Variants in MKLN1 observed in about 807,000 individuals in gnomAD.
MKLN1 encodes the protein muskelin 1.
In MKLN1, 18 loss-of-function variants were observed where a neutral mutation model predicts 99.0. That is an observed-to-expected ratio of 0.18 (90% confidence interval 0.13 to 0.27). MKLN1 has a LOEUF of 0.27. Ranked by LOEUF, MKLN1 falls within the 10% of genes least tolerant of loss-of-function variation. MKLN1 has a pLI of 1.00. For missense variants in MKLN1, 621 were observed against 875.9 expected (o/e 0.71, Z 3.67); for synonymous variants, 288 against 293.2 (o/e 0.98, Z 0.18).
chr7:131,420,977 T>A (rs1315990277), intron 8 of MKLN1, among the ~76,000 whole-genome samples: 2 of 152,214 alleles, frequency 1.3e-5, no homozygotes, highest in African/African-American at 4.8e-5. Context: ...ATACTAATAT[T>A]TTCTGTGGTG....
At chr7:131,465,218 T>C (rs1208271345) in intron 14 of MKLN1, among the ~76,000 whole-genome samples, 1 of 152,102 alleles carries the variant, frequency 6.6e-6, no homozygotes, top group Non-Finnish European at 1.5e-5. Flanking sequence ...ATTTAATAAA[T>C]GTATACACTA....
chr7:131,117,408 C>T (rs951972363), intron 1 of MKLN1, among the ~76,000 whole-genome samples: 11 of 150,830 alleles, frequency 7.3e-5, no homozygotes, highest in African/African-American at 2.0e-4. Context: ...CCAGCCTGGG[C>T]GACAGACCGA....
At chr7:131,459,488 G>T (rs1796450695) in intron 12 of MKLN1, among the ~76,000 whole-genome samples, 1 of 152,182 alleles carries the variant, frequency 6.6e-6, no homozygotes, top group African/African-American at 2.4e-5. Flanking sequence ...GGCAGAAGAA[G>T]GTGAGAAAGA....
chr7:131,297,639 G>GA (rs1052992248), intron 3 of MKLN1, among the ~76,000 whole-genome samples: 15 of 152,140 alleles, frequency 9.9e-5, no homozygotes, highest in African/African-American at 3.6e-4. Context: ...TTTTACAATG[G>GA]AAAAAAATGC....
At chr7:131,255,880 CTATTTATT>C (rs3077583) in intron 3 of MKLN1, among the ~76,000 whole-genome samples, 2,990 of 135,338 alleles carry the variant, frequency 0.022, 56 homozygotes, top group Non-Finnish European at 0.031. Flanking sequence ...TGTGCCCGAC[CTATTTATT>C]TATTTATTTA....
chr7:131,123,022 C>CAAAAAA lies in MKLN1; in HGVS notation c.-419+12837_-419+12842dup, dbSNP rs59581806. ...TGGGCGAAACAGCGAGACTCCGTCT[C>CAAAAAA]AAAAAAAAAAAAAAAAAAAAAAAAA... On this transcript the variant is annotated intron_variant, in intron 1 of 7. Transcript: ENST00000416992. 4.8e-3 allele frequency among the ~76,000 whole-genome samples: 288 copies of CAAAAAA among 60,364 alleles called. 77 individuals are homozygous for CAAAAAA. The highest frequency in any genetic ancestry group is 0.046 in the East Asian group (71 of 1,544). The allele number at this position is 60,364 out of a possible 152,430, so 39.6% of individuals were successfully genotyped here.
intron 2 of MKLN1, among the ~76,000 whole-genome samples, chr7:131,386,597 G>A (rs1422236601): frequency 6.6e-6 from 1 of 152,146 alleles, no homozygotes; most frequent in Non-Finnish European, 1.5e-5. Flanking sequence ...TTTATCCAAT[G>A]TGTAATAGGA....
chr7:131,130,457 C>T (rs2116224112), intron 1 of MKLN1, among the ~76,000 whole-genome samples: 1 of 152,334 alleles, frequency 6.6e-6, no homozygotes, highest in South Asian at 2.1e-4. Context: ...TCATGCCAGA[C>T]CTCTAAGGTA....
chr7:131,347,920 T>C (rs565125771), intron 1 of MKLN1, among the ~76,000 whole-genome samples: 216 of 152,214 alleles, frequency 1.4e-3, no homozygotes, highest in African/African-American at 4.9e-3. Context: ...TTGAAACAAA[T>C]GTTGGCTGGC....
chr7:131,348,175 A>G (rs1045609772), intron 1 of MKLN1, among the ~76,000 whole-genome samples: 1 of 152,220 alleles, frequency 6.6e-6, no homozygotes, highest in Non-Finnish European at 1.5e-5. Context: ...AGCTATCTAT[A>G]TTGTGATTTG....
At chr7:131,296,160 T>C (rs1798288478) in intron 3 of MKLN1, among the ~76,000 whole-genome samples, 1 of 152,210 alleles carries the variant, frequency 6.6e-6, no homozygotes, top group Non-Finnish European at 1.5e-5. Context: ...GAATTTATCC[T>C]ACAGAGAGTC....
chr7:131,282,096 T>A (rs960291217), intron 3 of MKLN1, among the ~76,000 whole-genome samples: 3 of 152,132 alleles, frequency 2.0e-5, no homozygotes, highest in Non-Finnish European at 2.9e-5. Context: ...ATGCCTGTAA[T>A]CCCAGCACTT....
intron 3 of MKLN1, among the ~76,000 whole-genome samples, chr7:131,240,494 T>C (rs1231325471): frequency 1.3e-5 from 2 of 151,272 alleles, no homozygotes; most frequent in Non-Finnish European, 2.9e-5. Flanking sequence ...TGAAGAGAGA[T>C]AAATGAAAAA....
intron 1 of MKLN1, among the ~76,000 whole-genome samples, chr7:131,364,245 C>T (rs1172521451): frequency 1.3e-5 from 2 of 152,024 alleles, no homozygotes; most frequent in Non-Finnish European, 2.9e-5. Context: ...TTTCAAAATA[C>T]AATGTTCTTA....
intron 12 of MKLN1, among the ~76,000 whole-genome samples, chr7:131,460,703 A>G (rs1423899785): frequency 6.6e-6 from 1 of 152,212 alleles, no homozygotes; most frequent in Non-Finnish European, 1.5e-5. Context: ...ATTGTAGGTG[A>G]AAACAGCCGT....
At chr7:131,341,535 A>T (rs546368883) in intron 1 of MKLN1, among the ~76,000 whole-genome samples, 2 of 152,318 alleles carry the variant, frequency 1.3e-5, no homozygotes, top group South Asian at 4.1e-4. Flanking sequence ...TATTGCTGGT[A>T]AGTATTCTGT....
intron 9 of MKLN1, 27 bp downstream of exon 9, chr7:131,429,172 T>C: frequency 1.3e-6 from 2 of 1,494,212 alleles, no homozygotes. Context: ...TTCATACATC[T>C]ATATTACAGA....
chr7:131,309,258 T>C (rs1239815527), intron 3 of MKLN1, among the ~76,000 whole-genome samples: 1 of 152,238 alleles, frequency 6.6e-6, no homozygotes, highest in Non-Finnish European at 1.5e-5. Context: ...TTCTATTTTA[T>C]CTTACCATTG....
intron 2 of MKLN1, among the ~76,000 whole-genome samples, chr7:131,385,091 A>G (rs1052680718): frequency 6.6e-6 from 1 of 152,142 alleles, no homozygotes; most frequent in African/African-American, 2.4e-5. Flanking sequence ...TTATGCCTCT[A>G]TGCATTTACT....
Sources: allele counts gnomAD v4.1 joint callset (sites outside exome capture counted in the v4.1 genomes callset), GRCh38; gene constraint gnomAD v4.1.1; transcripts MANE v1.5; gene names NCBI Gene and HGNC (gene_info 2026-07-23, HGNC 2026-07-21).